PHACTR2: variants seen among roughly 807,000 people sequenced by gnomAD.
PHACTR2 encodes the protein phosphatase and actin regulator 2.
A neutral mutation model predicts 76.0 loss-of-function variants in PHACTR2; 30 were observed. The observed-to-expected ratio is 0.39, with a 90% confidence interval of 0.30 to 0.54. The LOEUF is 0.54. Among genes scored for constraint, PHACTR2 ranks in the 20% least tolerant of loss-of-function variants. PHACTR2 has a pLI of 0.61. For synonymous variants in PHACTR2, 292 were observed against 292.5 expected (o/e 1.00, Z 0.02); for missense variants, 696 against 781.1 (o/e 0.89, Z 1.30).
rs1776101375 is a variant in PHACTR2, at chr6:143,618,756, G to A, written c.13+10434G>A. Among the ~76,000 whole-genome samples, 1 of 151,922 alleles carries A rather than the reference G, an allele frequency of 6.6e-6. No homozygotes were observed. The highest frequency in any genetic ancestry group is 6.6e-5 in the Admixed American group (1 of 15,250). ...AGCCTCAGCTCAAGTGTCCCCGTTT[G>A]CTCCAAACCATCCTCAACTCCTCTG... On this transcript the variant is annotated intron_variant, in intron 1 of 11. Transcript: ENST00000305766. The surrounding 1 kb of genome is among the most constrained non-coding windows in gnomAD (Gnocchi z 5.2).
rs1779411394 is a variant in PHACTR2 at position 143,760,483 on chromosome 6, AC to A, written c.540del (p.Lys182AsnfsTer105). On this transcript the variant is annotated frameshift_variant, in exon 5 of 13. Transcript: ENST00000440869. LOFTEE classifies it high-confidence loss of function. This position sits in a 1 kb window ranked among gnomAD's most constrained non-coding sequence, Gnocchi z 6.4. Reference sequence around the variant, plus strand: ...CTCCTAAGCCTAGACCCAAACCTAAACCCAAAAAATCACCTGTGCCTCCGAA... The same window carrying A: ...CTCCTAAGCCTAGACCCAAACCTAAACCAAAAAATCACCTGTGCCTCCGAA... Reference protein sequence around the residue: ...APPKPRPKPKPKKSPVPPKGA... With the variant: ...APPKPRPKPKXKKSPVPPKGA... 1 of 1,613,568 alleles carries A rather than the reference AC, an allele frequency of 6.2e-7. No homozygotes were observed. Among genetic ancestry groups the A allele is most frequent in the Admixed American group, 1.7e-5 (1 of 59,970 alleles).
At chr6:143,727,251 C>T (rs1778592787) in intron 2 of PHACTR2, among the ~76,000 whole-genome samples, 2 of 152,184 alleles carry the variant, frequency 1.3e-5, no homozygotes, top group South Asian at 4.2e-4. Flanking sequence ...TAATTTCCTC[C>T]AGTTGTATCT....
At chr6:143,707,652 A>G (rs1347083411) in intron 1 of PHACTR2, among the ~76,000 whole-genome samples, 1 of 152,230 alleles carries the variant, frequency 6.6e-6, no homozygotes, top group East Asian at 1.9e-4. Context: ...AATTTTTCTA[A>G]GAATCTCTAT....
rs567069537 is a variant in PHACTR2 at position 143,633,960 on chromosome 6, T to C, written c.13+25638T>C. The stretch of plus-strand genomic sequence containing the variant: ...CAATATTTTACTTAACAAGGCAGTA[T>C]CATAAAATGACTATGATAATTATAT... On this transcript the variant is annotated intron_variant, in intron 1 of 11. Coordinates refer to the PHACTR2 transcript ENST00000305766. This position sits in a 1 kb window ranked among gnomAD's most constrained non-coding sequence, Gnocchi z 4.1. Among the ~76,000 whole-genome samples the C allele has an allele frequency of 6.6e-6, 1 of 152,330 alleles. No individual in the cohort carries two copies. Among genetic ancestry groups the C allele is most frequent in the East Asian group, 1.9e-4 (1 of 5,190 alleles).
In PHACTR2 at chr6:143,646,625, T is replaced by C. The variant is rs1776663519; in HGVS notation, c.13+38303T>C. Among the ~76,000 whole-genome samples the C allele has an allele frequency of 6.6e-6, 1 of 152,114 alleles. No homozygotes were observed. The highest frequency in any genetic ancestry group is 6.5e-5 in the Admixed American group (1 of 15,268). On this transcript the variant is annotated intron_variant, in intron 1 of 11. Transcript: ENST00000305766. The surrounding 1 kb of genome is among the most constrained non-coding windows in gnomAD (Gnocchi z 4.1). ...TACATGGAGCAAATAGAGAAGATAA[T>C]TAGAATTCCACTTTTCTTGAAATGT...
rs1172283136 is a variant in PHACTR2, at chr6:143,678,107, T to C, written c.-57T>C. 1 of 1,545,110 alleles carries C rather than the reference T, an allele frequency of 6.5e-7. No homozygotes were observed. The highest frequency in any genetic ancestry group is 1.2e-5 in the South Asian group (1 of 83,934). On this transcript the variant is annotated 5_prime_UTR_variant, in exon 1 of 13. The change abolishes an upstream ATG in the 5' untranslated region. Transcript: ENST00000440869. This position sits in a 1 kb window ranked among gnomAD's most constrained non-coding sequence, Gnocchi z 6.2. The stretch of plus-strand genomic sequence containing the variant: ...GGAAGTCTGGCTGGGAGCGGACCCA[T>C]GATCGAAGGACCAAAGGAGCCGCTT...
rs1775777080 is a variant in PHACTR2, at chr6:143,598,481, T to G, written c.217+61274T>G. Among the ~76,000 whole-genome samples, 1 of 152,246 alleles carries G rather than the reference T, an allele frequency of 6.6e-6. No individual in the cohort carries two copies. Among genetic ancestry groups the G allele is most frequent in the African/African-American group, 2.4e-5 (1 of 41,470 alleles). On this transcript the variant is annotated intron_variant, in intron 1 of 11. Transcript: ENST00000367584. This position sits in a 1 kb window ranked among gnomAD's most constrained non-coding sequence, Gnocchi z 4.1. Reference sequence around the variant, plus strand: ...GACCCAGAACCATCAGAGTAAATTTTGGCTGTTTTAAGCCACTAAATTGGT... The same window carrying G: ...GACCCAGAACCATCAGAGTAAATTTGGGCTGTTTTAAGCCACTAAATTGGT...
chr6:143,635,817 A>G (rs1489360191), intron 1 of PHACTR2, among the ~76,000 whole-genome samples: 2 of 152,136 alleles, frequency 1.3e-5, no homozygotes, highest in African/African-American at 4.8e-5. Context: ...TTTTATTTGT[A>G]TGTAAATAAG....
At chr6:143,699,428 A>C (rs1032389992) in intron 1 of PHACTR2, among the ~76,000 whole-genome samples, 2 of 152,234 alleles carry the variant, frequency 1.3e-5, no homozygotes, top group African/African-American at 4.8e-5. Context: ...AAAGGAGTTC[A>C]ACGTTCTTTA....
In PHACTR2 at chr6:143,680,147, C is replaced by CAA. The variant is rs531003832; in HGVS notation, c.46+1950_46+1951dup. Among the ~76,000 whole-genome samples, 2 of 138,420 alleles carry CAA rather than the reference C, an allele frequency of 1.4e-5. No homozygotes were observed. Among genetic ancestry groups the CAA allele is most frequent in the African/African-American group, 2.6e-5 (1 of 38,364 alleles). 90.8% of individuals were successfully genotyped at this position (138,420 alleles called of 152,430 possible). A position where few individuals can be genotyped will look rare whatever the true frequency, so the allele number is the denominator to read the frequency against. On this transcript the variant is annotated intron_variant, in intron 1 of 12. Transcript: ENST00000440869. This position sits in a 1 kb window ranked among gnomAD's most constrained non-coding sequence, Gnocchi z 4.5. ...TTGCCATCAGATTCCAAATGAAAAC[C>CAA]AAAAAAAAAAAAATTTAAATTAAAT...
At chr6:143,604,518 A>T (rs1181310424), upstream of PHACTR2, among the ~76,000 whole-genome samples, 2 of 152,138 alleles carry the variant, frequency 1.3e-5, no homozygotes, top group African/African-American at 4.8e-5. Flanking sequence ...AAGGCAGAGT[A>T]TTATTGCCAC....
In PHACTR2 at chr6:143,619,960, G is replaced by T. The variant is rs1278463400; in HGVS notation, c.13+11638G>T. On this transcript the variant is annotated intron_variant, in intron 1 of 11. Transcript: ENST00000305766. This position sits in a 1 kb window ranked among gnomAD's most constrained non-coding sequence, Gnocchi z 4.5. ...CAGAACATGTCACTCGGTCGGGGGT[G>T]GGGGGTCAGTTCATTTGTTCAAACA... 1.1e-5 allele frequency among the ~76,000 whole-genome samples: 1 copy of T among 93,358 alleles called. No homozygotes were observed. The highest frequency in any genetic ancestry group is 3.5e-5 in the African/African-American group (1 of 28,700). 61.2% of individuals were successfully genotyped at this position (93,358 alleles called of 152,430 possible). A position where few individuals can be genotyped will look rare whatever the true frequency, so the allele number is the denominator to read the frequency against.
In PHACTR2 at chr6:143,771,144, GTA is replaced by G. The variant is rs1185999309; in HGVS notation, c.1233-1102_1233-1101del. Among the ~76,000 whole-genome samples, 225 of 30,814 alleles carry G rather than the reference GTA, an allele frequency of 7.3e-3. 5 individuals carry two copies. Among genetic ancestry groups the G allele is most frequent in the Admixed American group, 0.011 (20 of 1,766 alleles). 20.2% of individuals were successfully genotyped at this position (30,814 alleles called of 152,430 possible). On this transcript the variant is annotated intron_variant, in intron 6 of 12. Transcript: ENST00000440869. The stretch of plus-strand genomic sequence containing the variant: ...ATATGTACTTTACATATATATATAT[GTA>G]TATATATATATGTATATATATATAT...
rs766792425 is a variant in PHACTR2, at chr6:143,740,433, A to T, written c.215-8552A>T. ...TCCTTGTACCCAGCCTCTATTCAAGATGGAGTTGCTCTGGCTCACACGCCT... is the reference window on the plus strand; with the variant it reads ...TCCTTGTACCCAGCCTCTATTCAAGTTGGAGTTGCTCTGGCTCACACGCCT... On this transcript the variant is annotated intron_variant, in intron 2 of 12. Coordinates refer to ENST00000440869, the MANE Select transcript of PHACTR2 (RefSeq NM_001100164.2). 2.7e-5 allele frequency among the ~76,000 whole-genome samples: 4 copies of T among 148,474 alleles called. No individual in the cohort carries two copies. In the South Asian group the frequency reaches 8.6e-4, roughly 32 times the overall value.
At chr6:143,612,092 C>T (rs1487872435) in intron 1 of PHACTR2, among the ~76,000 whole-genome samples, 4 of 152,190 alleles carry the variant, frequency 2.6e-5, no homozygotes, top group Admixed American at 6.5e-5. Context: ...AGTTGGTTCA[C>T]TGATGACTAT....
rs1159353834 is a variant in PHACTR2, at chr6:143,689,604, T to C, written c.46+11395T>C. Among the ~76,000 whole-genome samples, 1 of 152,170 alleles carries C rather than the reference T, an allele frequency of 6.6e-6. No individual in the cohort carries two copies. The highest frequency in any genetic ancestry group is 1.5e-5 in the Non-Finnish European group (1 of 68,030). On this transcript the variant is annotated intron_variant, in intron 1 of 12. Coordinates refer to ENST00000440869, the MANE Select transcript of PHACTR2 (RefSeq NM_001100164.2). This position sits in a 1 kb window ranked among gnomAD's most constrained non-coding sequence, Gnocchi z 4.4. The stretch of plus-strand genomic sequence containing the variant: ...ATGGAAACCGAACACGTAGTTCTCT[T>C]TTTTACCCTACCCCAACCCCTGCCT...
rs568166609 is a variant in PHACTR2 at position 143,680,096 on chromosome 6, T to C, written c.46+1887T>C. On this transcript the variant is annotated intron_variant, in intron 1 of 12. Transcript: ENST00000440869. This position sits in a 1 kb window ranked among gnomAD's most constrained non-coding sequence, Gnocchi z 4.5. The stretch of plus-strand genomic sequence containing the variant: ...TGGTATCCAGTGTCTCTAAATCCGT[T>C]AGAGCTACCCTGTTTCCCTGAAGGT... Among the ~76,000 whole-genome samples, 78 of 151,970 alleles carry C rather than the reference T, an allele frequency of 5.1e-4. 1 individual carries two copies. Among genetic ancestry groups the C allele is most frequent in the Non-Finnish European group, 2.5e-4 (17 of 67,934 alleles).
chr6:143,742,901 A>T lies in PHACTR2; in HGVS notation c.215-6084A>T, dbSNP rs1416322037. ...TAATGAACAACTTAGTAAGTGCTAT[A>T]ACAGAAATAATAGTTAATAGCTAAT... On this transcript the variant is annotated intron_variant, in intron 2 of 12. Transcript: ENST00000440869. This position sits in a 1 kb window ranked among gnomAD's most constrained non-coding sequence, Gnocchi z 4.5. Among the ~76,000 whole-genome samples the T allele has an allele frequency of 6.6e-6, 1 of 152,238 alleles. No individual in the cohort carries two copies. Among genetic ancestry groups the T allele is most frequent in the Non-Finnish European group, 1.5e-5 (1 of 68,046 alleles).
chr6:143,580,614 A>G lies in PHACTR2; in HGVS notation c.217+43407A>G, dbSNP rs915414274. ...CTTGAACCCGGGAGGCAGAGGTTGC[A>G]GTGAACTGAGATCATGCCACTGTAC... On this transcript the variant is annotated intron_variant, in intron 1 of 11. Transcript: ENST00000367584. This position sits in a 1 kb window ranked among gnomAD's most constrained non-coding sequence, Gnocchi z 4.2. 2.6e-5 allele frequency among the ~76,000 whole-genome samples: 4 copies of G among 152,248 alleles called. No homozygotes were observed. Among genetic ancestry groups the G allele is most frequent in the African/African-American group, 9.6e-5 (4 of 41,472 alleles).
Sources: gnomAD v4.1 joint callset for allele counts (sites outside exome capture counted in the v4.1 genomes callset) on GRCh38, gnomAD v4.1.1 for gene constraint, Gnocchi (gnomAD v3.1) non-coding constraint, MANE v1.5 for transcripts, NCBI Gene and HGNC (gene_info 2026-07-23, HGNC 2026-07-21) for gene names.